The following PHTF2 variants were observed in gnomAD, a reference collection of about 807,000 sequenced individuals.
PHTF2 encodes putative homeodomain transcription factor 2.
PHTF2 carries 60 observed loss-of-function variants against 101.2 expected under a neutral mutation model. The ratio of observed to expected loss-of-function variants is 0.59; its 90% CI spans 0.48 to 0.73. PHTF2 has a LOEUF of 0.73. Among genes scored for constraint, PHTF2 ranks in the 30% least tolerant of loss-of-function variants. PHTF2 has a pLI of 0.00. For missense variants in PHTF2, 747 were observed against 908.7 expected (o/e 0.82, Z 2.29); for synonymous variants, 311 against 307.3 (o/e 1.01, Z -0.13).
intron 2 of PHTF2, among the ~76,000 whole-genome samples, chr7:77,846,346 T>A (rs1796278592): frequency 1.3e-5 from 2 of 152,202 alleles, no homozygotes; most frequent in South Asian, 2.1e-4. Flanking sequence ...AATGAAGCCT[T>A]CTGGGAAAAG....
At chr7:77,893,899 T>C (rs751338221) in intron 4 of PHTF2, 83 bp from the exon 4 acceptor site, 7 of 1,003,990 alleles carry the variant, frequency 7.0e-6, no homozygotes, top group Non-Finnish European at 1.1e-5. Context: ...TATTTTTTTG[T>C]CAGCTTTTTT....
At chr7:77,925,256 A>G (rs534548988) in intron 11 of PHTF2, among the ~76,000 whole-genome samples, 3 of 152,274 alleles carry the variant, frequency 2.0e-5, no homozygotes, top group Non-Finnish European at 2.9e-5. Flanking sequence ...ATTCCCTTCA[A>G]ATAAATACTA....
chr7:77,805,172 G>A (rs1315701291), intron 1 of PHTF2, among the ~76,000 whole-genome samples: 2 of 152,126 alleles, frequency 1.3e-5, no homozygotes, highest in South Asian at 2.1e-4. Context: ...GAATCTGTTC[G>A]TTTAATGTAA....
rs530710182 is a variant in PHTF2 at position 77,889,742 on chromosome 7, G to A, written c.148-3866G>A. Among the ~76,000 whole-genome samples, 8 of 151,838 alleles carry A rather than the reference G, an allele frequency of 5.3e-5. No individual in the cohort carries two copies. The South Asian group carries it at 1.7e-3, about 32-fold the overall frequency. On this transcript the variant is annotated intron_variant, in intron 3 of 19. Transcript: ENST00000416283. ...AGTAGTGGGGACTACAGGTCTGCAC[G>A]ACTACGCCTGGCTAATTTTTTTTGT...
At chr7:77,924,257 T>A (rs1056923627) in intron 11 of PHTF2, 1 of 431,738 alleles carries the variant, frequency 2.3e-6, no homozygotes, top group African/African-American at 2.2e-5. Context: ...TCTCTCCAAT[T>A]GCTAGTAATG....
intron 11 of PHTF2, among the ~76,000 whole-genome samples, chr7:77,927,296 A>G (rs910165859): frequency 6.6e-6 from 1 of 151,734 alleles, no homozygotes; most frequent in Non-Finnish European, 1.5e-5. Context: ...AAATGAATAT[A>G]AATAATAACT....
intron 3 of PHTF2, among the ~76,000 whole-genome samples, chr7:77,875,929 T>C (rs1798908092): frequency 6.6e-6 from 1 of 152,172 alleles, no homozygotes; most frequent in African/African-American, 2.4e-5. Context: ...ATACATTTCA[T>C]CATCACAAAA....
At chr7:77,954,918 A>G in exon 20 of PHTF2, 1 of 1,204,560 alleles carries the variant, frequency 8.3e-7, no homozygotes, top group African/African-American at 1.5e-5. Flanking sequence ...TTTCCAGAAT[A>G]AGAGTACTGA....
chr7:77,856,063 A>G (rs899968299), intron 3 of PHTF2, among the ~76,000 whole-genome samples: 1 of 152,154 alleles, frequency 6.6e-6, no homozygotes, highest in Non-Finnish European at 1.5e-5. Flanking sequence ...TCTTGCTCCA[A>G]TAACCTAAAT....
At chr7:77,914,255 A>G (rs963862580) in intron 9 of PHTF2, among the ~76,000 whole-genome samples, 5 of 152,158 alleles carry the variant, frequency 3.3e-5, no homozygotes, top group Admixed American at 6.5e-5. Context: ...GGAGGGTACA[A>G]TGATCTCTGC....
chr7:77,898,839 G>A (rs375972191), intron 5 of PHTF2, among the ~76,000 whole-genome samples: 56 of 151,174 alleles, frequency 3.7e-4, no homozygotes, highest in East Asian at 1.9e-3. Flanking sequence ...TTACTTTGTC[G>A]CCAGGCTGGA....
chr7:77,900,887 G>A, intron 6 of PHTF2, 107 bp downstream of exon 5: 1 of 651,736 alleles, frequency 1.5e-6, no homozygotes, highest in East Asian at 2.8e-5. Flanking sequence ...TTGCTATAAA[G>A]AAATACTTGA....
chr7:77,897,495 C>T (rs1800981248), intron 5 of PHTF2, among the ~76,000 whole-genome samples: 1 of 151,512 alleles, frequency 6.6e-6, no homozygotes, highest in Admixed American at 6.6e-5. Flanking sequence ...CTAGTTTGTG[C>T]ATAAATTAGT....
intron 3 of PHTF2, among the ~76,000 whole-genome samples, chr7:77,891,581 T>TTTGTTG (rs71082791): frequency 1.0e-3 from 151 of 151,740 alleles, no homozygotes; most frequent in African/African-American, 3.4e-3. Flanking sequence ...ATGGTTTTTT[T>TTTGTTG]TTGTTGTTGT....
At chr7:77,943,211 C>T (rs529219494) in intron 16 of PHTF2, among the ~76,000 whole-genome samples, 23 of 152,320 alleles carry the variant, frequency 1.5e-4, no homozygotes, top group African/African-American at 5.1e-4. Context: ...ACCTCCGCCT[C>T]CCGGGTTCAC....
At chr7:77,862,229 T>C (rs1797708294) in intron 3 of PHTF2, among the ~76,000 whole-genome samples, 1 of 152,188 alleles carries the variant, frequency 6.6e-6, no homozygotes, top group Non-Finnish European at 1.5e-5. Context: ...GAAAATTCTT[T>C]AAGGTTTTTG....
At chr7:77,817,847 T>C (rs1328266266) in intron 1 of PHTF2, among the ~76,000 whole-genome samples, 1 of 152,128 alleles carries the variant, frequency 6.6e-6, no homozygotes, top group Non-Finnish European at 1.5e-5. Context: ...CGGTGGCTCA[T>C]GCCTGTAATC....
At chr7:77,895,287 A>G in intron 5 of PHTF2, 1 of 354,160 alleles carries the variant, frequency 2.8e-6, no homozygotes, top group South Asian at 2.2e-5. Flanking sequence ...ATGATGAAAT[A>G]AAAGGACTGA....
intron 12 of PHTF2, among the ~76,000 whole-genome samples, chr7:77,935,561 C>G (rs1464500887): frequency 1.3e-5 from 2 of 152,192 alleles, no homozygotes; most frequent in African/African-American, 4.8e-5. Context: ...TTTCTAGTTG[C>G]TGTCTTCTCT....
Sources: gnomAD v4.1 joint callset for allele counts (sites outside exome capture counted in the v4.1 genomes callset) on GRCh38, gnomAD v4.1.1 for gene constraint, MANE v1.5 for transcripts, NCBI Gene and HGNC (gene_info 2026-07-23, HGNC 2026-07-21) for gene names.